PGM5: variants seen among roughly 807,000 people sequenced by gnomAD.
PGM5 encodes the protein phosphoglucomutase-like protein 5.
In PGM5, 23 loss-of-function variants were observed where a neutral mutation model predicts 59.2. The observed-to-expected ratio is 0.39, with a 90% CI of 0.28 to 0.55. The LOEUF (loss-of-function observed/expected upper bound fraction) is 0.55, where lower values mean the gene tolerates loss of function less well. PGM5 is among the 20% of genes least tolerant of loss of function. The probability of loss-of-function intolerance (pLI) is 0.66; values close to 1 mark genes in which losing one functional copy is unlikely to be tolerated. For synonymous variants in PGM5, 214 were observed against 286.0 expected, an observed-to-expected ratio of 0.75 and a Z score of 2.54; for missense variants, 574 against 748.3, an observed-to-expected ratio of 0.77 and a Z score of 2.72.
intron 6 of PGM5, among the ~76,000 whole-genome samples, chr9:68,413,211 A>G (rs2639606): frequency 0.49 from 73,807 of 151,824 alleles, 19,233 homozygotes; most frequent in Non-Finnish European, 0.58. Flanking sequence ...ATTTCTTTCT[A>G]TGTCTTTCTC....
intron 6 of PGM5, chr9:68,396,389 T>A (rs1258758009): frequency 6.6e-5 from 10 of 152,220 alleles, no homozygotes; most frequent in Non-Finnish European, 4.4e-5. Context: ...TATTGTCCCC[T>A]GTGGGCTAGC....
intron 6 of PGM5, among the ~76,000 whole-genome samples, chr9:68,407,003 G>A (rs1377496526): frequency 6.6e-6 from 1 of 151,816 alleles, no homozygotes; most frequent in Non-Finnish European, 1.5e-5. Flanking sequence ...ACTCTGCTGT[G>A]TGAACCTCAC....
rs1263722578 is a variant in PGM5, at chr9:68,496,427, A to G, written c.1480-2800A>G. On this transcript the variant is annotated intron_variant, in intron 9 of 10. Transcript: ENST00000396396. ...AGAAACCCTTACATTCCATGTGGAGAAGGAGAATTAATGATGTTCCTCACC... is the reference window on the plus strand; with the variant it reads ...AGAAACCCTTACATTCCATGTGGAGGAGGAGAATTAATGATGTTCCTCACC... Among the ~76,000 whole-genome samples the G allele has an allele frequency of 2.6e-5, 4 of 152,348 alleles. No homozygotes were observed. In the East Asian group the frequency reaches 7.7e-4, roughly 29 times the overall value.
At chr9:68,426,057 C>G (rs1823231961) in intron 6 of PGM5, among the ~76,000 whole-genome samples, 1 of 152,068 alleles carries the variant, frequency 6.6e-6, no homozygotes, top group Admixed American at 6.6e-5. Flanking sequence ...GCTGACTTTA[C>G]TATCAAAAGC....
intron 6 of PGM5, among the ~76,000 whole-genome samples, chr9:68,414,901 T>A (rs1357925165): frequency 6.9e-6 from 1 of 145,344 alleles, no homozygotes; most frequent in Non-Finnish European, 1.5e-5. Context: ...AGTAGAAGGG[T>A]GTGAGGCACA....
chr9:68,485,450 A>G (rs1468631116), intron 9 of PGM5, among the ~76,000 whole-genome samples: 1 of 152,150 alleles, frequency 6.6e-6, no homozygotes, highest in African/African-American at 2.4e-5. Context: ...GTCTTGTGGT[A>G]GTGAATAAGT....
chr9:68,432,670 A>G (rs1823374107), intron 6 of PGM5, among the ~76,000 whole-genome samples: 1 of 151,982 alleles, frequency 6.6e-6, no homozygotes, highest in Admixed American at 6.6e-5. Flanking sequence ...CAGTGGTGCA[A>G]TCTCGGCTCA....
chr9:68,453,249 C>T (rs146854779), intron 6 of PGM5, among the ~76,000 whole-genome samples: 138 of 152,322 alleles, frequency 9.1e-4, no homozygotes, highest in African/African-American at 3.1e-3. Context: ...GGTAAATTAA[C>T]ATATAAGGTT....
At chr9:68,403,866 C>T (rs150850458) in intron 6 of PGM5, among the ~76,000 whole-genome samples, 1,823 of 152,272 alleles carry the variant, frequency 0.012, 29 homozygotes, top group African/African-American at 0.042. Flanking sequence ...CAACCCAATA[C>T]ATCTGTAATT....
chr9:68,509,197 G>C (rs1824705606), intron 10 of PGM5, among the ~76,000 whole-genome samples: 1 of 152,208 alleles, frequency 6.6e-6, no homozygotes, highest in Admixed American at 6.5e-5. Flanking sequence ...CAAGATGCAG[G>C]TGAGGGAGTT....
chr9:68,488,237 C>A (rs1824329935), intron 9 of PGM5, among the ~76,000 whole-genome samples: 1 of 152,088 alleles, frequency 6.6e-6, no homozygotes. Flanking sequence ...TCATATTTCT[C>A]CCCCTCTCCC....
At chr9:68,428,619 T>C (rs1328460497) in intron 6 of PGM5, 1 of 152,210 alleles carries the variant, frequency 6.6e-6, no homozygotes, top group African/African-American at 2.4e-5. Context: ...TGGAAATATA[T>C]ATCTGAGGTT....
At chr9:68,476,559 A>G (rs1824109277) in intron 7 of PGM5, among the ~76,000 whole-genome samples, 1 of 152,186 alleles carries the variant, frequency 6.6e-6, no homozygotes, top group African/African-American at 2.4e-5. Flanking sequence ...TTTTAAAAGG[A>G]GAGTTATAGC....
intron 10 of PGM5, among the ~76,000 whole-genome samples, chr9:68,502,503 A>C (rs1824592595): frequency 6.6e-6 from 1 of 152,124 alleles, no homozygotes; most frequent in South Asian, 2.1e-4. Flanking sequence ...AAGGAAAAGG[A>C]AGGAGAAGTT....
chr9:68,423,454 C>A (rs889464505), intron 6 of PGM5, among the ~76,000 whole-genome samples: 2 of 152,116 alleles, frequency 1.3e-5, no homozygotes, highest in Non-Finnish European at 2.9e-5. Context: ...CACACAAGAA[C>A]CTGAATTTGA....
chr9:68,510,654 G>A (rs983039146), intron 10 of PGM5, among the ~76,000 whole-genome samples: 19 of 152,162 alleles, frequency 1.2e-4, no homozygotes, highest in South Asian at 4.1e-4. Flanking sequence ...AGTCTCAATC[G>A]TTTTAGAGGT....
chr9:68,408,103 C>T (rs1822855487), intron 6 of PGM5, among the ~76,000 whole-genome samples: 1 of 152,188 alleles, frequency 6.6e-6, no homozygotes, highest in Non-Finnish European at 1.5e-5. Flanking sequence ...GTGGACATTT[C>T]CCCCCAGATG....
chr9:68,449,101 G>A (rs999024175), intron 6 of PGM5, among the ~76,000 whole-genome samples: 3 of 152,228 alleles, frequency 2.0e-5, no homozygotes, highest in Non-Finnish European at 4.4e-5. Flanking sequence ...TCCTCATGTG[G>A]CAGAAGGGTC....
intron 9 of PGM5, among the ~76,000 whole-genome samples, chr9:68,487,239 C>A (rs1824310137): frequency 6.6e-6 from 1 of 152,070 alleles, no homozygotes; most frequent in Non-Finnish European, 1.5e-5. Flanking sequence ...CTTCTTTGAA[C>A]CTCATCTTGA....
Sources: allele counts gnomAD v4.1 joint callset (sites outside exome capture counted in the v4.1 genomes callset), GRCh38; gene constraint gnomAD v4.1.1; transcripts MANE v1.5; gene names NCBI Gene and HGNC (gene_info 2026-07-23, HGNC 2026-07-21).